CHODL: variants seen among roughly 807,000 people sequenced by gnomAD.
The protein encoded by CHODL is transmembrane protein MT75.
A neutral mutation model predicts 34.5 loss-of-function variants in CHODL; 29 were observed. The ratio of observed to expected loss-of-function variants is 0.84; its 90% CI spans 0.63 to 1.15. The LOEUF (loss-of-function observed/expected upper bound fraction) is 1.15. Ranked by LOEUF, CHODL falls within the 50% of genes most tolerant of loss-of-function variation. The pLI, the probability that CHODL is intolerant of heterozygous loss-of-function variation, is 0.00. For missense variants in CHODL, 332 were observed against 332.5 expected, an observed-to-expected ratio of 1.00 and a Z score of 0.01; for synonymous variants, 125 against 116.1, an observed-to-expected ratio of 1.08 and a Z score of -0.49.
chr21:17,947,670 G>T (rs1217600248), intron 1 of CHODL, among the ~76,000 whole-genome samples: 2 of 151,956 alleles, frequency 1.3e-5, no homozygotes, highest in African/African-American at 4.8e-5. Context: ...AAACACAGAT[G>T]TTGGCAAGGA....
chr21:18,173,234 C>G (rs1219256071), intron 2 of CHODL, among the ~76,000 whole-genome samples: 1 of 152,108 alleles, frequency 6.6e-6, no homozygotes, highest in African/African-American at 2.4e-5. Flanking sequence ...TCATCTTTGT[C>G]ACTTAACACG....
At chr21:17,972,060 C>T (rs550324309) in intron 1 of CHODL, among the ~76,000 whole-genome samples, 1 of 152,270 alleles carries the variant, frequency 6.6e-6, no homozygotes, top group Non-Finnish European at 1.5e-5. Flanking sequence ...GTGACAAAGA[C>T]CACATGATTA....
chr21:18,018,957 A>G (rs553865093), intron 1 of CHODL, among the ~76,000 whole-genome samples: 42 of 152,310 alleles, frequency 2.8e-4, no homozygotes, highest in African/African-American at 6.7e-4. Flanking sequence ...ACCCTCCATG[A>G]CTTGATTATT....
intron 4 of CHODL, among the ~76,000 whole-genome samples, chr21:18,262,281 G>A (rs1035811839): frequency 6.6e-6 from 1 of 152,068 alleles, no homozygotes; most frequent in African/African-American, 2.4e-5. Context: ...TAACAATGGG[G>A]ACATGTTCTG....
At chr21:18,157,149 G>A (rs529761291) in intron 2 of CHODL, among the ~76,000 whole-genome samples, 9 of 152,310 alleles carry the variant, frequency 5.9e-5, no homozygotes, top group Admixed American at 1.3e-4. Flanking sequence ...CAGGGACTGT[G>A]TTCATATACA....
At chr21:18,165,987 T>C (rs2073148474) in intron 2 of CHODL, among the ~76,000 whole-genome samples, 2 of 152,220 alleles carry the variant, frequency 1.3e-5, no homozygotes, top group South Asian at 4.1e-4. Context: ...ATTTATTCTG[T>C]GGTTTCTGTA....
intron 1 of CHODL, among the ~76,000 whole-genome samples, chr21:17,955,044 G>T (rs2063486217): frequency 7.4e-6 from 1 of 134,276 alleles, no homozygotes; most frequent in Admixed American, 7.4e-5. Flanking sequence ...CAGTTCTGGA[G>T]GCTGGAAAGT....
intron 2 of CHODL, among the ~76,000 whole-genome samples, chr21:18,161,283 T>A (rs996527450): frequency 6.6e-6 from 1 of 152,214 alleles, no homozygotes; most frequent in Non-Finnish European, 1.5e-5. Context: ...ACACTATGAT[T>A]AGCTTGAACG....
At position 18,256,490 on chromosome 21, in the gene CHODL, ATCTT is replaced by A. The variant is rs372744973; in HGVS notation, c.80-17_80-14del. 91 of 1,494,666 alleles carry A rather than the reference ATCTT, an allele frequency of 6.1e-5. No homozygotes were observed. In the African/African-American group the frequency reaches 1.1e-3, roughly 19 times the overall value. The allele number at this position is 1,494,666 out of a possible 1,614,324, so 92.6% of individuals were successfully genotyped here. A position where few individuals can be genotyped will look rare whatever the true frequency, so the allele number is the denominator to read the frequency against. On this transcript the variant is annotated splice_polypyrimidine_tract_variant and intron_variant, in intron 1 of 5. Transcript: ENST00000299295. ...GAGTTCCGATTATCAATATATGGGCATCTTTTTTTTTTTTTCAGGCCAAAAGGTG... is the reference window on the plus strand; with the variant it reads ...GAGTTCCGATTATCAATATATGGGCATTTTTTTTTTTCAGGCCAAAAGGTG...
At chr21:17,948,864 C>CA (rs1171152010) in intron 1 of CHODL, among the ~76,000 whole-genome samples, 3 of 151,988 alleles carry the variant, frequency 2.0e-5, no homozygotes, top group Non-Finnish European at 4.4e-5. Context: ...CAAACTACTC[C>CA]AAAAAAATCG....
At position 18,265,271 on chromosome 21, in the gene CHODL, A is replaced by G. The variant is rs572355371; in HGVS notation, c.738-683A>G. Among the ~76,000 whole-genome samples the G allele has an allele frequency of 7.6e-3, 923 of 121,734 alleles. 11 individuals carry two copies. The highest frequency in any genetic ancestry group is 0.033 in the African/African-American group (863 of 26,118). The allele number at this position is 121,734 out of a possible 152,430, so 79.9% of individuals were successfully genotyped here. ...TGTGTATATATATGTGTATATATAT[A>G]TGTGTGTGTATATATATACACACAC... On this transcript the variant is annotated intron_variant, in intron 5 of 5. Coordinates refer to ENST00000299295, the MANE Select transcript of CHODL (RefSeq NM_024944.3).
chr21:18,115,294 C>T (rs958427353), intron 2 of CHODL, among the ~76,000 whole-genome samples: 1 of 152,144 alleles, frequency 6.6e-6, no homozygotes, highest in African/African-American at 2.4e-5. Context: ...TGACTGATTC[C>T]AAAGTACAGC....
chr21:18,051,484 G>C (rs1425607755), intron 2 of CHODL, among the ~76,000 whole-genome samples: 2 of 149,088 alleles, frequency 1.3e-5, no homozygotes, highest in East Asian at 4.0e-4. Flanking sequence ...TCATATTTGT[G>C]TTCCTATCTC....
intron 1 of CHODL, chr21:18,245,884 G>A (rs2074134775): frequency 6.5e-7 from 1 of 1,534,376 alleles, no homozygotes; most frequent in African/African-American, 1.4e-5. Flanking sequence ...TGCACACTGC[G>A]TTCCAAGTTG....
In CHODL at chr21:18,174,324, A is replaced by G. The variant is rs548786537; in HGVS notation, c.-44-82185A>G. ...GCACACAAAATAATTTTTTCTTGCA[A>G]TTTTTTTATACTAGGTAAAGTGCTA... On this transcript the variant is annotated intron_variant, in intron 2 of 6. Transcript: ENST00000400127. Among the ~76,000 whole-genome samples the G allele has an allele frequency of 1.7e-4, 26 of 151,410 alleles. No individual in the cohort carries two copies. The East Asian group carries it at 3.9e-3, about 23-fold the overall frequency.
intron 1 of CHODL, among the ~76,000 whole-genome samples, chr21:17,988,121 C>G (rs1271966097): frequency 6.6e-6 from 1 of 152,120 alleles, no homozygotes; most frequent in Non-Finnish European, 1.5e-5. Context: ...ATGAAAAATT[C>G]CAGCAGTTGC....
Position 18,100,140 on chromosome 21 carries a change from C to CT in CHODL, c.-45+72169_-45+72170insT, listed in dbSNP as rs555568986. 9.9e-5 allele frequency: 15 copies of CT among 152,064 alleles called. No individual in the cohort carries two copies. In the East Asian group the frequency reaches 2.3e-3, roughly 23 times the overall value. 9.4% of individuals were successfully genotyped at this position (152,064 alleles called of 1,614,324 possible). On this transcript the variant is annotated intron_variant, in intron 2 of 6. Transcript: ENST00000400127. ...AGAAAACAATAACACCCTAAGTAGA[C>CT]AAGTGAAAAATATTTACATAGTTTA... is the stretch of plus-strand genomic sequence containing the variant.
At chr21:17,942,401 G>C (rs2063372430) in intron 1 of CHODL, among the ~76,000 whole-genome samples, 1 of 152,264 alleles carries the variant, frequency 6.6e-6, no homozygotes, top group East Asian at 1.9e-4. Context: ...ATAAAGGGGA[G>C]TTTCCCTGCA....
rs558565839 is a variant in CHODL, at chr21:18,211,631, A to G, written c.-44-44878A>G. On this transcript the variant is annotated intron_variant, in intron 2 of 6. Coordinates refer to the CHODL transcript ENST00000400127. ...GTTGCCAACCATATTGGCCATTACTATCTTTCACATTTACTTTACTTTTTT... is the reference window on the plus strand; with the variant it reads ...GTTGCCAACCATATTGGCCATTACTGTCTTTCACATTTACTTTACTTTTTT... Among the ~76,000 whole-genome samples the G allele has an allele frequency of 2.2e-4, 33 of 152,340 alleles. No homozygotes were observed. In the South Asian group the frequency reaches 6.4e-3, roughly 30 times the overall value.
Sources: allele counts gnomAD v4.1 joint callset (sites outside exome capture counted in the v4.1 genomes callset), GRCh38; gene constraint gnomAD v4.1.1; transcripts MANE v1.5; gene names NCBI Gene and HGNC (gene_info 2026-07-23, HGNC 2026-07-21).